ACTR3C: variants seen among roughly 807,000 people sequenced by gnomAD.
The protein encoded by ACTR3C is actin related protein 3C, also known as actin-related protein 3C.
ACTR3C carries 18 observed loss-of-function variants against 26.3 expected under a neutral mutation model. That is an observed-to-expected ratio of 0.68 (90% confidence interval 0.47 to 1.01). The LOEUF (loss-of-function observed/expected upper bound fraction) is 1.01. Among genes scored for constraint, ACTR3C ranks in the 50% least tolerant of loss-of-function variants. The pLI, the probability that ACTR3C is intolerant of heterozygous loss-of-function variation, is 0.00. For missense variants in ACTR3C, 184 were observed against 250.7 expected, an observed-to-expected ratio of 0.73 and a Z score of 1.80; for synonymous variants, 55 against 94.5, an observed-to-expected ratio of 0.58 and a Z score of 2.42.
At chr7:150,059,315 A>G in the ACTR3C span, among the ~76,000 whole-genome samples, 1 of 152,226 alleles carries the variant, frequency 6.6e-6, no homozygotes, top group Non-Finnish European at 1.5e-5. Context: ...TAAAACACAT[A>G]TGGCCGCCTG....
the ACTR3C span, among the ~76,000 whole-genome samples, chr7:150,161,336 G>T: frequency 6.6e-6 from 1 of 150,654 alleles, no homozygotes; most frequent in South Asian, 2.1e-4. Flanking sequence ...TTTACATTAG[G>T]TATATCTCCT....
the ACTR3C span, among the ~76,000 whole-genome samples, chr7:150,046,964 T>G: frequency 6.6e-6 from 1 of 151,696 alleles, no homozygotes; most frequent in Non-Finnish European, 1.5e-5. Context: ...GCCTGAGAGC[T>G]CTCAGCAAAA....
the ACTR3C span, among the ~76,000 whole-genome samples, chr7:149,922,970 C>CTTTTT: frequency 0.037 from 2,547 of 69,032 alleles, 411 homozygotes; most frequent in Middle Eastern, 0.056. Flanking sequence ...AAATAAAAGG[C>CTTTTT]TTTTTTTTTT....
chr7:150,189,451 T>C, the ACTR3C span, among the ~76,000 whole-genome samples: 1 of 151,458 alleles, frequency 6.6e-6, no homozygotes, highest in African/African-American at 2.4e-5. Flanking sequence ...TACAATTTCG[T>C]ATATTTTGAC....
intron 1 of ACTR3C, among the ~76,000 whole-genome samples, chr7:150,301,894 G>A (rs1795459550): frequency 6.6e-6 from 1 of 152,088 alleles, no homozygotes; most frequent in Admixed American, 6.5e-5. Context: ...CGTGTTCAAT[G>A]GGGACAGAGT....
chr7:150,016,705 G>C, the ACTR3C span, among the ~76,000 whole-genome samples: 4 of 152,052 alleles, frequency 2.6e-5, no homozygotes, highest in Non-Finnish European at 5.9e-5. Flanking sequence ...ACCAAGACAG[G>C]TAGATCTCTG....
the ACTR3C span, among the ~76,000 whole-genome samples, chr7:150,101,651 G>A: frequency 2.0e-5 from 3 of 151,750 alleles, no homozygotes; most frequent in Admixed American, 1.3e-4. Context: ...TCACCTGGAA[G>A]GAATCAGTCA....
the ACTR3C span, among the ~76,000 whole-genome samples, chr7:149,978,956 G>T: frequency 6.6e-6 from 1 of 151,794 alleles, no homozygotes; most frequent in Non-Finnish European, 1.5e-5. Context: ...ACGGTACTGG[G>T]TCCTACCGTG....
At chr7:150,012,317 CT>C in the ACTR3C span, among the ~76,000 whole-genome samples, 135 of 131,214 alleles carry the variant, frequency 1.0e-3, 13 homozygotes, top group African/African-American at 9.3e-4. Context: ...ATAAATGCAT[CT>C]TTTTTTTTTT....
chr7:149,984,361 A>G, the ACTR3C span, among the ~76,000 whole-genome samples: 2 of 151,976 alleles, frequency 1.3e-5, no homozygotes, highest in Non-Finnish European at 2.9e-5. Flanking sequence ...GCGCCACCAC[A>G]CCTGGCTAAT....
intron 5 of ACTR3C, among the ~76,000 whole-genome samples, chr7:150,286,128 A>G (rs1339532754): frequency 6.6e-6 from 1 of 152,136 alleles, no homozygotes; most frequent in Non-Finnish European, 1.5e-5. Context: ...TATCGCTCCT[A>G]AAAGTCTTCC....
the ACTR3C span, among the ~76,000 whole-genome samples, chr7:150,234,385 A>C: frequency 3.9e-4 from 59 of 152,256 alleles, no homozygotes; most frequent in African/African-American, 1.3e-3. Context: ...GGTCTTTGTT[A>C]TGGAGAATAT....
the ACTR3C span, among the ~76,000 whole-genome samples, chr7:150,210,955 A>C: frequency 1.9e-3 from 286 of 149,074 alleles, no homozygotes; most frequent in African/African-American, 7.3e-3. Flanking sequence ...AGAACAAAAG[A>C]GGTAATAATC....
the ACTR3C span, among the ~76,000 whole-genome samples, chr7:150,148,289 C>T: frequency 1.3e-5 from 2 of 151,750 alleles, no homozygotes; most frequent in African/African-American, 4.8e-5. Flanking sequence ...CCAGCCTTGC[C>T]AACGTGGTGA....
the ACTR3C span, among the ~76,000 whole-genome samples, chr7:150,117,496 G>GCA: frequency 6.6e-6 from 1 of 152,242 alleles, no homozygotes; most frequent in Non-Finnish European, 1.5e-5. Context: ...GCCCATGGCA[G>GCA]CACGGCCAAG....
At chr7:150,312,181 T>C (rs1796387585) in intron 1 of ACTR3C, among the ~76,000 whole-genome samples, 2 of 152,180 alleles carry the variant, frequency 1.3e-5, no homozygotes, top group South Asian at 4.1e-4. Context: ...TATTTTTCTT[T>C]CTCCTCTATG....
chr7:150,082,779 A>G, the ACTR3C span, among the ~76,000 whole-genome samples: 2 of 152,044 alleles, frequency 1.3e-5, no homozygotes, highest in African/African-American at 4.8e-5. Flanking sequence ...TGTATTTACG[A>G]ATTCCTTATT....
At chr7:149,897,118 G>C in the ACTR3C span, among the ~76,000 whole-genome samples, 1 of 149,658 alleles carries the variant, frequency 6.7e-6, no homozygotes, top group South Asian at 2.1e-4. Context: ...AATATCCACA[G>C]TATGACTCCA....
the ACTR3C span, among the ~76,000 whole-genome samples, chr7:150,209,262 GAAAC>G: frequency 1.4e-5 from 2 of 145,406 alleles, no homozygotes; most frequent in African/African-American, 5.6e-5. Flanking sequence ...GAGAGAGACA[GAAAC>G]AGAGAGAGAG....
Sources: gnomAD v4.1 joint callset for allele counts (sites outside exome capture counted in the v4.1 genomes callset) on GRCh38, gnomAD v4.1.1 for gene constraint, MANE v1.5 for transcripts, NCBI Gene and HGNC (gene_info 2026-07-23, HGNC 2026-07-21) for gene names.